The following TTC19 variants were observed in gnomAD, a reference collection of about 807,000 sequenced individuals.
The protein encoded by TTC19 is tetratricopeptide repeat protein 19, mitochondrial.
In TTC19, 38 loss-of-function variants were observed where a neutral mutation model predicts 49.5. The observed-to-expected ratio is 0.77, with a 90% CI of 0.59 to 1.01. TTC19 has a LOEUF of 1.01. Among genes scored for constraint, TTC19 ranks in the 50% least tolerant of loss-of-function variants. The pLI, the probability that TTC19 is intolerant of heterozygous loss-of-function variation, is 0.00. For synonymous variants in TTC19, 204 were observed against 185.2 expected (o/e 1.10, Z -0.83); for missense variants, 475 against 477.7 (o/e 0.99, Z 0.05).
In TTC19 at chr17:16,029,073, T is replaced by G; in HGVS notation, c.*1551T>G. 2.2e-6 allele frequency: 1 copy of G among 452,956 alleles called. No individual in the cohort carries two copies. Among genetic ancestry groups the G allele is most frequent in the Non-Finnish European group, 4.4e-6 (1 of 226,466 alleles). The allele number at this position is 452,956 out of a possible 1,614,324, so 28.1% of individuals were successfully genotyped here. A position where few individuals can be genotyped will look rare whatever the true frequency, so the allele number is the denominator to read the frequency against. On this transcript the variant is annotated 3_prime_UTR_variant, in exon 10 of 10. Coordinates refer to ENST00000261647, the MANE Select transcript of TTC19 (RefSeq NM_017775.4). Reference sequence around the variant, plus strand: ...GAAACCAGTATTAACGTATGGTGATTTCTTAAAAAAATTAATGTCAACCAC... The same window carrying G: ...GAAACCAGTATTAACGTATGGTGATGTCTTAAAAAAATTAATGTCAACCAC...
chr17:16,024,977 A>G, intron 7 of TTC19, 40 bp from the exon 8 acceptor site: 2 of 1,608,204 alleles, frequency 1.2e-6, no homozygotes, highest in African/African-American at 1.3e-5. Flanking sequence ...CCTGGTAACA[A>G]CCATTTGGGT....
At chr17:16,039,391 T>C (rs893762117) in intron 2 of TTC19, 5 of 1,585,106 alleles carry the variant, frequency 3.2e-6, no homozygotes, top group Admixed American at 3.4e-5. Context: ...ACTGGCTTTT[T>C]TGGGGAAAAG....
intron 7 of TTC19, among the ~76,000 whole-genome samples, chr17:16,022,890 T>C (rs1971429054): frequency 6.6e-6 from 1 of 152,224 alleles, no homozygotes. Context: ...AAGAAGTAAA[T>C]ATGCCTCAGT....
chr17:16,008,499 A>G (rs183295597), intron 7 of TTC19, among the ~76,000 whole-genome samples: 1 of 152,256 alleles, frequency 6.6e-6, no homozygotes, highest in Non-Finnish European at 1.5e-5. Flanking sequence ...GTCTCATCCC[A>G]TTACCCTACT....
chr17:16,022,134 G>T (rs1971404567), intron 7 of TTC19, among the ~76,000 whole-genome samples: 1 of 152,080 alleles, frequency 6.6e-6, no homozygotes, highest in African/African-American at 2.4e-5. Context: ...ATTGGCTTCA[G>T]ATCTCATTTT....
At chr17:16,013,491 A>G (rs950944448) in intron 7 of TTC19, among the ~76,000 whole-genome samples, 1 of 151,862 alleles carries the variant, frequency 6.6e-6, no homozygotes, top group African/African-American at 2.4e-5. Context: ...ATAATTTTCT[A>G]TTTTTTTCCT....
intron 8 of TTC19, among the ~76,000 whole-genome samples, chr17:16,025,906 T>A (rs766551040): frequency 3.3e-5 from 5 of 152,188 alleles, no homozygotes; most frequent in African/African-American, 7.2e-5. Flanking sequence ...TAACTTATTA[T>A]GAAGAGTCCC....
chr17:16,004,013 C>T, intron 5 of TTC19, 126 bp downstream of exon 5: 1 of 1,188,008 alleles, frequency 8.4e-7, no homozygotes, highest in Non-Finnish European at 1.2e-6. Flanking sequence ...CTTCTGAGAT[C>T]TCTATACAAA....
intron 4 of TTC19, 23 bp downstream of exon 4, chr17:16,002,854 T>C: frequency 6.2e-7 from 1 of 1,612,044 alleles, no homozygotes; most frequent in Non-Finnish European, 8.5e-7. Flanking sequence ...CTTTGTAATA[T>C]CTTGAATTTA....
At chr17:16,038,171 A>G in intron 2 of TTC19, among the ~76,000 whole-genome samples, 1 of 146,456 alleles carries the variant, frequency 6.8e-6, no homozygotes, top group East Asian at 1.9e-4. Flanking sequence ...AAACTAAAAC[A>G]GAAATACTGC....
chr17:16,024,738 A>ATTCTTCT, intron 7 of TTC19: 1 of 435,464 alleles, frequency 2.3e-6, no homozygotes, highest in Non-Finnish European at 4.2e-6. Context: ...TTGTTAACTC[A>ATTCTTCT]TTCTTCTTTG....
intron 7 of TTC19, among the ~76,000 whole-genome samples, chr17:16,016,528 T>G (rs533489965): frequency 6.6e-6 from 1 of 151,922 alleles, no homozygotes; most frequent in East Asian, 1.9e-4. Flanking sequence ...TCTGGGTCCT[T>G]ACTAATTTTG....
chr17:16,039,058 C>T (rs538127512), intron 2 of TTC19, among the ~76,000 whole-genome samples: 4 of 152,300 alleles, frequency 2.6e-5, no homozygotes, highest in Admixed American at 1.3e-4. Flanking sequence ...CGTGAACCAC[C>T]GCACCCGGCT....
chr17:16,000,268 G>C (rs776613122), intron 2 of TTC19, 23 bp downstream of exon 2: 44 of 1,592,712 alleles, frequency 2.8e-5, no homozygotes, highest in Non-Finnish European at 3.7e-5. Flanking sequence ...CGGGCCCTGC[G>C]CCCGGCCGAG....
chr17:16,028,693 G>A lies in TTC19; in HGVS notation c.*1171G>A, dbSNP rs1180892476. 1.3e-5 allele frequency: 6 copies of A among 453,628 alleles called. No individual in the cohort carries two copies. The highest frequency in any genetic ancestry group is 2.2e-5 in the Non-Finnish European group (5 of 226,700). 28.1% of individuals were successfully genotyped at this position (453,628 alleles called of 1,614,324 possible). Reference sequence around the variant, plus strand: ...ATTGACCCTGTTGGTATGCCTGTGGGGGTGGGATGTGAGTGGGACTGATAA... The same window carrying A: ...ATTGACCCTGTTGGTATGCCTGTGGAGGTGGGATGTGAGTGGGACTGATAA... On this transcript the variant is annotated 3_prime_UTR_variant, in exon 10 of 10. Transcript: ENST00000261647.
In TTC19 at chr17:16,002,029, A is replaced by C; in HGVS notation, c.423+4A>C. The C allele has an allele frequency of 6.3e-7, 1 of 1,599,366 alleles. No homozygotes were observed. The highest frequency in any genetic ancestry group is 1.1e-5 in the South Asian group (1 of 90,866). ...CATCACTTACACTTATGATTTGGTA[A>C]CTCTTATAACCAGTCTGAACCACTG... On this transcript the variant is annotated splice_donor_region_variant and intron_variant, in intron 3 of 9. Transcript: ENST00000261647.
chr17:16,025,276 A>G, intron 8 of TTC19, 105 bp downstream of exon 8: 1 of 1,169,462 alleles, frequency 8.6e-7, no homozygotes, highest in Non-Finnish European at 1.2e-6. Context: ...ATGGTCCTAG[A>G]TCCTCCTTGG....
chr17:16,030,702 T>C (rs1035137803), downstream of TTC19: 5 of 179,676 alleles, frequency 2.8e-5, no homozygotes, highest in Non-Finnish European at 6.0e-5. Flanking sequence ...GTGAAAGCTT[T>C]GACTGAAGAC....
At chr17:16,030,522 A>C (rs1971823360), downstream of TTC19, 1 of 195,272 alleles carries the variant, frequency 5.1e-6, no homozygotes, top group African/African-American at 2.3e-5. Flanking sequence ...GAAAACTGTG[A>C]AGTGGAACAT....
Sources: gnomAD v4.1 joint callset for allele counts (sites outside exome capture counted in the v4.1 genomes callset) on GRCh38, gnomAD v4.1.1 for gene constraint, MANE v1.5 for transcripts, NCBI Gene and HGNC (gene_info 2026-07-23, HGNC 2026-07-21) for gene names.